The following LILRA1 variants were observed in gnomAD, a reference collection of about 807,000 sequenced individuals.
LILRA1 encodes the protein leukocyte immunoglobulin-like receptor subfamily A member 1.
In LILRA1, 51 loss-of-function variants were observed where a neutral mutation model predicts 51.6. The observed-to-expected ratio is 0.99, with a 90% CI of 0.79 to 1.25. The LOEUF (loss-of-function observed/expected upper bound fraction) is 1.25. Among genes scored for constraint, LILRA1 ranks in the 50% most tolerant of loss-of-function variants. LILRA1 has a pLI of 0.00. For missense variants in LILRA1, 660 were observed against 611.7 expected, an observed-to-expected ratio of 1.08 and a Z score of -0.83; for synonymous variants, 305 against 248.4, an observed-to-expected ratio of 1.23 and a Z score of -2.14.
Position 54,595,305 on chromosome 19 carries a change from C to T in LILRA1, c.564C>T (p.Ser188=). The T allele has an allele frequency of 6.2e-7, 1 of 1,614,124 alleles. No homozygotes were observed. Among genetic ancestry groups the T allele is most frequent in the Non-Finnish European group, 8.5e-7 (1 of 1,179,962 alleles). The part of the protein sequence containing the change: ...SRAIFSVGPV[S]PSRRWSYRCY... Reference sequence around the variant, plus strand: ...CCATCTTCTCTGTGGGCCCCGTGAGCCCGAGTCGCAGGTGGTCGTACAGGT... The same window carrying T: ...CCATCTTCTCTGTGGGCCCCGTGAGTCCGAGTCGCAGGTGGTCGTACAGGT... Residue 188 remains serine (S), a synonymous_variant, in exon 5 of 10, where the codon AGC becomes AGT. Transcript: ENST00000251372.
rs1173665728 is a variant in LILRA1 at position 54,595,398 on chromosome 19, C to A, written c.657C>A (p.Val219=). 4 of 1,606,562 alleles carry A rather than the reference C, an allele frequency of 2.5e-6. No homozygotes were observed. Among genetic ancestry groups the A allele is most frequent in the Middle Eastern group, 1.7e-4 (1 of 6,002 alleles). The stretch of plus-strand genomic sequence containing the variant: ...CCAGTGATCTCCTGGAGCTCCTGGT[C>A]CTAGGTGAGAAATTCACAGCATTGC... ...SLPSDLLELL[V]LGVSKKPSLS... The change falls in exon 5 of 10, where the codon GTC becomes GTA. Residue 219 remains valine, a synonymous_variant. Coordinates refer to ENST00000251372, the MANE Select transcript of LILRA1 (RefSeq NM_006863.4).
intron 8 of LILRA1, 136 bp downstream of exon 8, chr19:54,599,422 T>A (rs551485406): frequency 2.2e-6 from 3 of 1,343,018 alleles, no homozygotes; most frequent in Non-Finnish European, 3.0e-6. Context: ...ACACCTTTAA[T>A]GATTTATAAG....
intron 7 of LILRA1, among the ~76,000 whole-genome samples, chr19:54,597,684 C>T (rs1338996844): frequency 4.6e-5 from 7 of 151,888 alleles, no homozygotes; most frequent in Non-Finnish European, 8.8e-5. Flanking sequence ...GGTCCCTTGG[C>T]AGCTCTCATT....
At chr19:54,594,994 C>T in intron 4 of LILRA1, 42 bp downstream of exon 4, 1 of 1,609,914 alleles carries the variant, frequency 6.2e-7, no homozygotes, top group Non-Finnish European at 8.5e-7. Context: ...GCTCTGCCCT[C>T]AGGAAGGGAG....
chr19:54,597,918 C>A (rs2063093418), intron 7 of LILRA1, among the ~76,000 whole-genome samples: 4 of 151,524 alleles, frequency 2.6e-5, no homozygotes, highest in Admixed American at 2.6e-4. Flanking sequence ...TGCCCTGAGC[C>A]CAAGCCCACC....
At chr19:54,599,213 T>C in intron 7 of LILRA1, 23 bp from the exon 8 acceptor site, 1 of 1,549,198 alleles carries the variant, frequency 6.5e-7, no homozygotes, top group South Asian at 1.1e-5. Flanking sequence ...AATATGTCTC[T>C]TCTCCTCTGT....
intron 7 of LILRA1, among the ~76,000 whole-genome samples, chr19:54,598,350 A>C (rs2063102050): frequency 6.6e-6 from 1 of 152,118 alleles, no homozygotes; most frequent in South Asian, 2.1e-4. Context: ...ATTAACCTCA[A>C]GTCTTCCTCC....
intron 7 of LILRA1, among the ~76,000 whole-genome samples, chr19:54,597,648 G>A (rs1327010180): frequency 6.6e-6 from 1 of 151,908 alleles, no homozygotes; most frequent in East Asian, 2.0e-4. Context: ...ACAGAGGCGG[G>A]CGAGTTGGAA....
chr19:54,599,428 A>C (rs1408544091), intron 8 of LILRA1, 142 bp downstream of exon 8: 12 of 1,330,710 alleles, frequency 9.0e-6, no homozygotes, highest in Non-Finnish European at 1.2e-5. Context: ...TTAATGATTT[A>C]TAAGTGAAGT....
chr19:54,593,733 C>T lies in LILRA1; in HGVS notation c.-97C>T. The T allele has an allele frequency of 5.9e-6, 5 of 841,830 alleles. No homozygotes were observed. Among genetic ancestry groups the T allele is most frequent in the South Asian group, 5.5e-5 (4 of 72,970 alleles). The allele number at this position is 841,830 out of a possible 1,614,324, so 52.1% of individuals were successfully genotyped here. A position where few individuals can be genotyped will look rare whatever the true frequency, so the allele number is the denominator to read the frequency against. On this transcript the variant is annotated 5_prime_UTR_variant, in exon 1 of 10. Coordinates refer to ENST00000251372, the MANE Select transcript of LILRA1 (RefSeq NM_006863.4). ...GATCTGAGTCTGCCTGCAGCATGGA[C>T]CTTGGTCTTCCCTGAAGCATCTCCA...
Position 54,595,486 on chromosome 19 carries a change from G to T in LILRA1, c.661+84G>T, listed in dbSNP as rs571508328. ...TGGGGAGCAGCCACGTCTCAGGGCA[G>T]CTCCAGGTGGGATGATGTTGGGGCG... On this transcript the variant is annotated intron_variant, in intron 5 of 9. Transcript: ENST00000251372. 7.1e-6 allele frequency: 11 copies of T among 1,543,952 alleles called. No individual in the cohort carries two copies. The African/African-American group carries it at 1.4e-4, about 19-fold the overall frequency.
rs766196307 is a variant in LILRA1 at position 54,602,280 on chromosome 19, C to T, written c.*1463C>T. 7.0e-6 allele frequency among the ~76,000 whole-genome samples: 1 copy of T among 141,940 alleles called. No homozygotes were observed. The highest frequency in any genetic ancestry group is 1.6e-5 in the Non-Finnish European group (1 of 61,344). The allele number at this position is 141,940 out of a possible 152,430, so 93.1% of individuals were successfully genotyped here. On this transcript the variant is annotated 3_prime_UTR_variant, in exon 10 of 10. Transcript: ENST00000251372. ...AATCTTATCATTCGCCATCTACCCT[C>T]TAGAATAGAGAAATCTTATCATTCA...
At chr19:54,598,912 C>T (rs1211768621) in intron 7 of LILRA1, among the ~76,000 whole-genome samples, 4 of 152,128 alleles carry the variant, frequency 2.6e-5, no homozygotes, top group Non-Finnish European at 2.9e-5. Context: ...TCTCCTGCCT[C>T]AGCCTCCCGA....
Position 54,600,866 on chromosome 19 carries a change from T to C in LILRA1, c.*49T>C. On this transcript the variant is annotated 3_prime_UTR_variant, in exon 10 of 10. Coordinates refer to ENST00000251372, the MANE Select transcript of LILRA1 (RefSeq NM_006863.4). ...AGAGAGAAGAATGTACCCTTCAGAG[T>C]GGTGGAGCCTTGGGAACAGATCTGA... 6.2e-7 allele frequency: 1 copy of C among 1,601,174 alleles called. No individual in the cohort carries two copies. Among genetic ancestry groups the C allele is most frequent in the Non-Finnish European group, 8.6e-7 (1 of 1,168,510 alleles).
rs1400959470 is a variant in LILRA1, at chr19:54,602,324, A to G, written c.*1507A>G. 1.4e-5 allele frequency among the ~76,000 whole-genome samples: 2 copies of G among 142,136 alleles called. No individual in the cohort carries two copies. The highest frequency in any genetic ancestry group is 3.3e-5 in the Non-Finnish European group (2 of 61,380). 93.2% of individuals were successfully genotyped at this position (142,136 alleles called of 152,430 possible). On this transcript the variant is annotated 3_prime_UTR_variant, in exon 10 of 10. Coordinates refer to ENST00000251372, the MANE Select transcript of LILRA1 (RefSeq NM_006863.4). ...TCATTCATCATCTACCCTCCAGAAT[A>G]AAGAAATGTTATCATTTGCCATCTA...
rs148585296 is a variant in LILRA1, at chr19:54,595,865, A to G, written c.888A>G (p.Arg296=). The G allele has an allele frequency of 7.5e-5, 121 of 1,613,980 alleles. No homozygotes were observed. Among genetic ancestry groups the G allele is most frequent in the East Asian group, 2.9e-4 (13 of 44,872 alleles). ...GCCGCTCCTACGGGGGCCAGTACAG[A>G]TGCTCCGGTGCATACAACCTCTCCT... is the stretch of plus-strand genomic sequence containing the variant. ...PVSRSYGGQY[R]CSGAYNLSSE... Residue 296 remains arginine, a synonymous_variant, in exon 6 of 10, where the codon AGA becomes AGG. Transcript: ENST00000251372.
rs373305932 is a variant in LILRA1, at chr19:54,601,255, G to A, written c.*438G>A. The stretch of plus-strand genomic sequence containing the variant: ...ATCTCTTCAATTCAGAGTTCCAAAC[G>A]TGCTTCAGTAACTAAATCAATGGGA... On this transcript the variant is annotated 3_prime_UTR_variant, in exon 10 of 10. Transcript: ENST00000251372. The A allele has an allele frequency of 3.7e-5, 7 of 189,054 alleles. No individual in the cohort carries two copies. Among genetic ancestry groups the A allele is most frequent in the East Asian group, 1.5e-4 (1 of 6,864 alleles). 11.7% of individuals were successfully genotyped at this position (189,054 alleles called of 1,614,324 possible). A position where few individuals can be genotyped will look rare whatever the true frequency, so the allele number is the denominator to read the frequency against.
chr19:54,595,354 C>T lies in LILRA1; in HGVS notation c.613C>T (p.Pro205Ser). ...YRCYAYDSNS[P>S]HVWSLPSDLL... ...GTGCTATGCTTATGACTCGAACTCTCCCCATGTGTGGTCTCTACCCAGTGA... is the reference window on the plus strand; with the variant it reads ...GTGCTATGCTTATGACTCGAACTCTTCCCATGTGTGGTCTCTACCCAGTGA... Residue 205 changes from proline (P) to serine (S), a missense_variant, in exon 5 of 10, where the codon CCC becomes TCC. Physicochemically the swap from Pro to Ser is moderately conservative, Grantham distance 74. Transcript: ENST00000251372. 2 of 1,614,006 alleles carry T rather than the reference C, an allele frequency of 1.2e-6. No individual in the cohort carries two copies. The highest frequency in any genetic ancestry group is 1.1e-5 in the South Asian group (1 of 91,078).
At chr19:54,594,994 CAGGA>C in intron 4 of LILRA1, 42 bp downstream of exon 4, 7 of 1,609,914 alleles carry the variant, frequency 4.3e-6, no homozygotes, top group Middle Eastern at 1.7e-4. Context: ...GCTCTGCCCT[CAGGA>C]AGGGAGTCAG....
Sources: allele counts gnomAD v4.1 joint callset (sites outside exome capture counted in the v4.1 genomes callset), GRCh38; gene constraint gnomAD v4.1.1; transcripts MANE v1.5; gene names NCBI Gene and HGNC (gene_info 2026-07-23, HGNC 2026-07-21).